The following PCCB variants were observed in gnomAD, a reference collection of about 807,000 sequenced individuals.
PCCB encodes propionyl-CoA carboxylase beta chain, mitochondrial.
A neutral mutation model predicts 60.7 loss-of-function variants in PCCB; 43 were observed. The ratio of observed to expected loss-of-function variants is 0.71; its 90% confidence interval spans 0.55 to 0.91. The LOEUF (loss-of-function observed/expected upper bound fraction) is 0.91, where lower values mean the gene tolerates loss of function less well. PCCB is among the 40% of genes least tolerant of loss of function. The pLI is 0.00. For missense variants in PCCB, 766 were observed against 702.8 expected (o/e 1.09, Z -1.02); for synonymous variants, 276 against 255.9 (o/e 1.08, Z -0.75).
intron 7 of PCCB, among the ~76,000 whole-genome samples, chr3:136,295,824 T>A (rs1253814925): frequency 6.6e-6 from 1 of 152,080 alleles, no homozygotes; most frequent in African/African-American, 2.4e-5. Flanking sequence ...CATACTCTTA[T>A]GTAACCTGAG....
chr3:136,326,861 A>T lies in PCCB; in HGVS notation c.1149A>T (p.Ala383=), dbSNP rs1303454039. 6.2e-7 allele frequency: 1 copy of T among 1,613,418 alleles called. No individual in the cohort carries two copies. The highest frequency in any genetic ancestry group is 2.2e-5 in the East Asian group (1 of 44,876). The change falls in exon 11 of 15, where the codon GCA becomes GCT. Residue 383 remains alanine (A), a synonymous_variant. Coordinates refer to ENST00000251654, the MANE Select transcript of PCCB (RefSeq NM_000532.5). ...CTCGTTTTGTCAGATTCTGTGATGC[A>T]TTCAATATTCCACTCATCACTTTTG... The part of the protein sequence containing the change: ...KGARFVRFCD[A]FNIPLITFVD...
chr3:136,314,991 A>G (rs187585158), intron 9 of PCCB, among the ~76,000 whole-genome samples: 3 of 152,228 alleles, frequency 2.0e-5, no homozygotes, highest in Non-Finnish European at 2.9e-5. Flanking sequence ...GCTTAGCTCA[A>G]AATTAAACAT....
At chr3:136,288,350 T>A (rs944758495) in intron 6 of PCCB, among the ~76,000 whole-genome samples, 35 of 152,266 alleles carry the variant, frequency 2.3e-4, no homozygotes, top group African/African-American at 4.8e-4. Context: ...TTTTATTATT[T>A]TTTTTTATTT....
At chr3:136,274,535 T>G (rs1942291956) in intron 5 of PCCB, among the ~76,000 whole-genome samples, 2 of 152,216 alleles carry the variant, frequency 1.3e-5, no homozygotes, top group Admixed American at 6.5e-5. Context: ...CTGATGCTTT[T>G]GTCTCATAGC....
chr3:136,274,177 G>A (rs1169930078), intron 5 of PCCB, among the ~76,000 whole-genome samples: 2 of 151,516 alleles, frequency 1.3e-5, no homozygotes, highest in Non-Finnish European at 2.9e-5. Flanking sequence ...CATTTTAGTT[G>A]TTACTTACTT....
At chr3:136,251,415 A>G (rs552913962) in intron 1 of PCCB, 16 of 435,920 alleles carry the variant, frequency 3.7e-5, no homozygotes, top group South Asian at 2.6e-4. Flanking sequence ...ACAGATGAAG[A>G]GTATTCAGGC....
At chr3:136,293,310 CA>C (rs1210560087) in intron 6 of PCCB, among the ~76,000 whole-genome samples, 1 of 152,186 alleles carries the variant, frequency 6.6e-6, no homozygotes, top group East Asian at 1.9e-4. Context: ...ACTGATTTAT[CA>C]ATATTTTTAA....
Position 136,305,762 on chromosome 3 carries a change from G to A in PCCB, c.966+4651G>A, listed in dbSNP as rs113392708. Among the ~76,000 whole-genome samples, 2,008 of 111,470 alleles carry A rather than the reference G, an allele frequency of 0.018. 331 individuals carry two copies. The East Asian group carries it at 0.25, about 14-fold the overall frequency. 73.1% of individuals were successfully genotyped at this position (111,470 alleles called of 152,430 possible). A position where few individuals can be genotyped will look rare whatever the true frequency, so the allele number is the denominator to read the frequency against. ...AACTGTCTCTAAAAAAAAAAAAAAA[G>A]AAAGAAAAAAAGTGAATATGCTAGA... On this transcript the variant is annotated intron_variant, in intron 9 of 14. Coordinates refer to ENST00000251654, the MANE Select transcript of PCCB (RefSeq NM_000532.5).
At chr3:136,286,694 T>G (rs1314822208) in intron 6 of PCCB, among the ~76,000 whole-genome samples, 1 of 152,154 alleles carries the variant, frequency 6.6e-6, no homozygotes, top group Non-Finnish European at 1.5e-5. Context: ...CCACTTTGAT[T>G]CAAGCACATC....
At chr3:136,295,418 G>A (rs1380665238) in intron 7 of PCCB, among the ~76,000 whole-genome samples, 1 of 152,210 alleles carries the variant, frequency 6.6e-6, no homozygotes, top group African/African-American at 2.4e-5. Context: ...CATCGATCTT[G>A]ACTCATTCCT....
intron 8 of PCCB, among the ~76,000 whole-genome samples, chr3:136,300,083 C>CGCATATCTACACATATACATACAT (rs1346392055): frequency 6.8e-6 from 1 of 146,756 alleles, no homozygotes; most frequent in Admixed American, 6.6e-5. Context: ...TATGCATATA[C>CGCATATCTACACATATACATACAT]GCATATCTAC....
At position 136,260,538 on chromosome 3, in the gene PCCB, A is replaced by G; in HGVS notation, c.429+3A>G. ...CACATGCCCAAAAGATCTGCAAAGT[A>G]AGTGTTTAATACTCAAATTCAATCC... On this transcript the variant is annotated splice_donor_region_variant and intron_variant, in intron 4 of 14. Coordinates refer to ENST00000251654, the MANE Select transcript of PCCB (RefSeq NM_000532.5). 4 of 1,610,112 alleles carry G rather than the reference A, an allele frequency of 2.5e-6. No individual in the cohort carries two copies. The highest frequency in any genetic ancestry group is 3.4e-6 in the Non-Finnish European group (4 of 1,176,474).
chr3:136,253,949 G>A (rs1019090272), intron 1 of PCCB, among the ~76,000 whole-genome samples: 4 of 151,750 alleles, frequency 2.6e-5, no homozygotes, highest in Non-Finnish European at 4.4e-5. Flanking sequence ...TGCCTGGTCA[G>A]TATAAATATA....
At chr3:136,278,874 T>C (rs1942401104) in intron 5 of PCCB, among the ~76,000 whole-genome samples, 1 of 152,202 alleles carries the variant, frequency 6.6e-6, no homozygotes. Flanking sequence ...CTGTCTGTTA[T>C]TAGAAGTGAG....
At chr3:136,282,669 A>G (rs538741763) in intron 5 of PCCB, among the ~76,000 whole-genome samples, 3 of 152,168 alleles carry the variant, frequency 2.0e-5, no homozygotes, top group East Asian at 1.9e-4. Context: ...TTGTTTTTCA[A>G]AGTATTAAGA....
At chr3:136,255,116 C>T (rs1369834435) in intron 1 of PCCB, among the ~76,000 whole-genome samples, 1 of 151,504 alleles carries the variant, frequency 6.6e-6, no homozygotes, top group Non-Finnish European at 1.5e-5. Flanking sequence ...CCTTGTGATC[C>T]ACCCGCCTCT....
chr3:136,275,121 C>A (rs1462147031), intron 5 of PCCB, among the ~76,000 whole-genome samples: 2 of 152,070 alleles, frequency 1.3e-5, no homozygotes, highest in Admixed American at 6.6e-5. Context: ...CTATTTATTT[C>A]TTTTGATTCT....
intron 10 of PCCB, among the ~76,000 whole-genome samples, chr3:136,319,554 T>C (rs976098164): frequency 6.6e-6 from 1 of 152,006 alleles, no homozygotes; most frequent in Non-Finnish European, 1.5e-5. Context: ...TGTGCCACCA[T>C]GCTGGGCTAA....
intron 9 of PCCB, among the ~76,000 whole-genome samples, chr3:136,301,813 G>C (rs1473281300): frequency 6.6e-6 from 1 of 152,094 alleles, no homozygotes; most frequent in Non-Finnish European, 1.5e-5. Flanking sequence ...CTGCACCAAG[G>C]ATTAGCCTGA....
Sources: allele counts gnomAD v4.1 joint callset (sites outside exome capture counted in the v4.1 genomes callset), GRCh38; gene constraint gnomAD v4.1.1; transcripts MANE v1.5; gene names NCBI Gene and HGNC (gene_info 2026-07-23, HGNC 2026-07-21).